SHOC1: variants seen among roughly 807,000 people sequenced by gnomAD.
SHOC1 encodes the protein protein shortage in chiasmata 1 ortholog.
A neutral mutation model predicts 179.2 loss-of-function variants in SHOC1; 136 were observed. That is an observed-to-expected ratio of 0.76 (90% CI 0.66 to 0.87). The LOEUF (loss-of-function observed/expected upper bound fraction) is 0.87, where lower values mean the gene tolerates loss of function less well. Ranked by LOEUF, SHOC1 falls within the 40% of genes least tolerant of loss-of-function variation. SHOC1 has a pLI of 0.00. For synonymous variants in SHOC1, 489 were observed against 586.6 expected (o/e 0.83, Z 2.41); for missense variants, 1,538 against 1,700.8 (o/e 0.90, Z 1.68).
intron 12 of SHOC1, among the ~76,000 whole-genome samples, chr9:111,737,080 GGAGAAAA>G (rs948229835): frequency 6.6e-6 from 1 of 152,110 alleles, no homozygotes; most frequent in Non-Finnish European, 1.5e-5. Flanking sequence ...GTAAGGCTGT[GGAGAAAA>G]GAGAATACTT....
chr9:111,733,824 C>T (rs1041100168), intron 12 of SHOC1, among the ~76,000 whole-genome samples: 5 of 151,084 alleles, frequency 3.3e-5, no homozygotes, highest in East Asian at 1.9e-4. Context: ...GCTGAGATCA[C>T]GCCAACCTGG....
rs543027409 is a variant in SHOC1, at chr9:111,777,317, C to T, written c.258-1342G>A. Among the ~76,000 whole-genome samples, 572 of 152,238 alleles carry T rather than the reference C, an allele frequency of 3.8e-3. 6 individuals carry two copies. The highest frequency in any genetic ancestry group is 0.013 in the African/African-American group (535 of 41,542). ...CTAATCTTGTAGCTAATTTGTTAGT[C>T]CTACAAACGCAGTCTGGTCCCCAGG... On this transcript the variant is annotated intron_variant, in intron 4 of 27. Coordinates refer to ENST00000682961, the MANE Select transcript of SHOC1 (RefSeq NM_001378211.1).
Position 111,692,187 on chromosome 9 carries a change from T to C in SHOC1, c.3790A>G (p.Ile1264Val). ...YWKDSSCKSN[I>V]GQNTPFLINI... The stretch of plus-strand genomic sequence containing the variant: ...ATTAGAAAAGGAGTATTCTGCCCTA[T>C]ATTAGATTTACAGCTGGAGTCTTTC... The change falls in exon 27 of 28, where the codon ATA becomes GTA. Residue 1264 changes from isoleucine to valine, a missense_variant. Coordinates refer to ENST00000682961, the MANE Select transcript of SHOC1 (RefSeq NM_001378211.1). 1 of 1,613,844 alleles carries C rather than the reference T, an allele frequency of 6.2e-7. No homozygotes were observed.
intron 16 of SHOC1, among the ~76,000 whole-genome samples, chr9:111,714,901 A>T (rs915534000): frequency 6.6e-5 from 10 of 152,170 alleles, no homozygotes; most frequent in African/African-American, 1.9e-4. Flanking sequence ...GTTGAATGCT[A>T]TTGCACTCTT....
intron 2 of SHOC1, among the ~76,000 whole-genome samples, chr9:111,789,782 G>T (rs1002776995): frequency 1.3e-5 from 2 of 152,326 alleles, no homozygotes; most frequent in South Asian, 4.1e-4. Flanking sequence ...TTTGAATACA[G>T]ACTAATTTTG....
rs988242223 is a variant in SHOC1, at chr9:111,787,090, G to GA, written c.46-1056dup. Among the ~76,000 whole-genome samples the GA allele has an allele frequency of 7.9e-5, 12 of 151,856 alleles. No individual in the cohort carries two copies. In the East Asian group the frequency reaches 9.6e-4, roughly 12 times the overall value. The stretch of plus-strand genomic sequence containing the variant: ...CTATTGTTGAGACCTACTTTTGGGG[G>GA]AAAAAAAAGATTACTTTAAAAATAT... On this transcript the variant is annotated intron_variant, in intron 2 of 27. Transcript: ENST00000682961.
At chr9:111,688,806 C>A (rs1275805830) in intron 27 of SHOC1, among the ~76,000 whole-genome samples, 2 of 120,760 alleles carry the variant, frequency 1.7e-5, no homozygotes, top group African/African-American at 7.9e-5. Flanking sequence ...TTTCAATACT[C>A]TTGCTTTTAA....
intron 4 of SHOC1, 23 bp from the exon 5 acceptor site, chr9:111,775,998 A>C (rs1835820095): frequency 1.3e-6 from 2 of 1,567,982 alleles, no homozygotes; most frequent in African/African-American, 1.4e-5. Context: ...AAAATTACTA[A>C]TGTTATGTAT....
At chr9:111,687,230 G>A (rs1025296162) in intron 27 of SHOC1, among the ~76,000 whole-genome samples, 2 of 152,090 alleles carry the variant, frequency 1.3e-5, no homozygotes, top group African/African-American at 4.8e-5. Flanking sequence ...TTACAGGCAT[G>A]AGCCACCATG....
chr9:111,725,749 C>T (rs896044562), intron 13 of SHOC1, among the ~76,000 whole-genome samples: 2 of 152,182 alleles, frequency 1.3e-5, no homozygotes, highest in African/African-American at 4.8e-5. Flanking sequence ...TCCCTCATAA[C>T]ATTAATGTTC....
chr9:111,723,779 G>T lies in SHOC1; in HGVS notation c.1954+13C>A, dbSNP rs758510251. The T allele has an allele frequency of 6.2e-7, 1 of 1,608,878 alleles. No homozygotes were observed. The highest frequency in any genetic ancestry group is 8.5e-7 in the Non-Finnish European group (1 of 1,178,814). On this transcript the variant is annotated intron_variant, in intron 14 of 27. Coordinates refer to ENST00000682961, the MANE Select transcript of SHOC1 (RefSeq NM_001378211.1). ...AGCAAATCTGAAATGCATTTTAAAA[G>T]CATATAACATACCTGACGCTTGAAT...
At chr9:111,731,102 G>C (rs1417345561) in intron 12 of SHOC1, among the ~76,000 whole-genome samples, 1 of 152,214 alleles carries the variant, frequency 6.6e-6, no homozygotes, top group Non-Finnish European at 1.5e-5. Context: ...AAAGGAGTTA[G>C]AGCCTTGCAT....
intron 2 of SHOC1, among the ~76,000 whole-genome samples, chr9:111,786,680 G>A (rs954360021): frequency 1.3e-5 from 2 of 152,054 alleles, no homozygotes; most frequent in African/African-American, 2.4e-5. Context: ...GATAATCTGT[G>A]ATCAGTGGTC....
rs557496583 is a variant in SHOC1 at position 111,768,280 on chromosome 9, C to T, written c.442+7511G>A. Reference sequence around the variant, plus strand: ...TTACTCTGTCACCCAGGCTGGAGTGCAGTGGTGAAATCTCAACTCACTACA... The same window carrying T: ...TTACTCTGTCACCCAGGCTGGAGTGTAGTGGTGAAATCTCAACTCACTACA... On this transcript the variant is annotated intron_variant, in intron 5 of 27. Transcript: ENST00000682961. Among the ~76,000 whole-genome samples, 4 of 150,246 alleles carry T rather than the reference C, an allele frequency of 2.7e-5. No individual in the cohort carries two copies. The South Asian group carries it at 8.4e-4, about 32-fold the overall frequency.
At chr9:111,771,710 C>A (rs1276857702) in intron 5 of SHOC1, among the ~76,000 whole-genome samples, 1 of 151,106 alleles carries the variant, frequency 6.6e-6, no homozygotes, top group South Asian at 2.1e-4. Flanking sequence ...CTTTTTTTTT[C>A]TTTGAGCACT....
chr9:111,717,050 T>C (rs929957798), intron 16 of SHOC1, among the ~76,000 whole-genome samples: 1 of 152,210 alleles, frequency 6.6e-6, no homozygotes, highest in Non-Finnish European at 1.5e-5. Flanking sequence ...TTATTACTCA[T>C]GATATTAAAA....
intron 15 of SHOC1, 48 bp from the exon 16 acceptor site, chr9:111,718,336 T>C (rs1292981320): frequency 6.5e-6 from 8 of 1,222,660 alleles, no homozygotes; most frequent in Non-Finnish European, 9.2e-6. Flanking sequence ...ACATTACAGT[T>C]TTAGAATATG....
At chr9:111,757,958 A>G (rs757309141) in intron 7 of SHOC1, 126 bp downstream of exon 7, 21 of 549,622 alleles carry the variant, frequency 3.8e-5, no homozygotes, top group Non-Finnish European at 5.7e-5. Flanking sequence ...TTCTTAATTG[A>G]TACATGTTCA....
At chr9:111,733,552 T>C (rs10981039) in intron 12 of SHOC1, among the ~76,000 whole-genome samples, 8,356 of 152,270 alleles carry the variant, frequency 0.055, 566 homozygotes, top group African/African-American at 0.16. Flanking sequence ...AGATTATATA[T>C]GTGAAATCTG....
Sources: gnomAD v4.1 joint callset for allele counts (sites outside exome capture counted in the v4.1 genomes callset) on GRCh38, gnomAD v4.1.1 for gene constraint, MANE v1.5 for transcripts, NCBI Gene and HGNC (gene_info 2026-07-23, HGNC 2026-07-21) for gene names.